Variants in DCAF10 observed in about 807,000 individuals in gnomAD.
DCAF10 encodes the protein DDB1 and CUL4 associated factor 10, also known as DDB1- and CUL4-associated factor 10.
In DCAF10, 19 loss-of-function variants were observed where a neutral mutation model predicts 51.9. The observed-to-expected ratio is 0.37, with a 90% confidence interval of 0.26 to 0.54. DCAF10 has a LOEUF of 0.54. Among genes scored for constraint, DCAF10 ranks in the 20% least tolerant of loss-of-function variants. DCAF10 has a pLI of 0.87. For synonymous variants in DCAF10, 291 were observed against 297.1 expected (o/e 0.98, Z 0.21); for missense variants, 510 against 730.6 (o/e 0.70, Z 3.48).
At chr9:37,856,484 TAA>T (rs755105753) in intron 4 of DCAF10, among the ~76,000 whole-genome samples, 1 of 152,220 alleles carries the variant, frequency 6.6e-6, no homozygotes, top group Non-Finnish European at 1.5e-5. Flanking sequence ...ATTCTGATAC[TAA>T]ATAACATTAC....
chr9:37,819,429 T>G (rs778954582), intron 2 of DCAF10, 28 bp downstream of exon 2: 10 of 1,564,816 alleles, frequency 6.4e-6, no homozygotes, highest in Middle Eastern at 1.8e-4. Flanking sequence ...AAAGTGAACT[T>G]TATCAGTGTG....
At chr9:37,850,870 A>ATATATATATATG (rs1830627249) in intron 3 of DCAF10, among the ~76,000 whole-genome samples, 2 of 83,574 alleles carry the variant, frequency 2.4e-5, no homozygotes, top group South Asian at 3.9e-4. Flanking sequence ...ATATATATAT[A>ATATATATATATG]TATATATATA....
rs532474636 is a variant in DCAF10 at position 37,811,004 on chromosome 9, T to A, written c.540-8284T>A. ...GCCGGCACCTCTACTCTAGCTTACT[T>A]GCCATAATTAAAGATGAATCTTCTA... On this transcript the variant is annotated intron_variant, in intron 1 of 6. Coordinates refer to ENST00000377724, the MANE Select transcript of DCAF10 (RefSeq NM_024345.5). 6.0e-4 allele frequency among the ~76,000 whole-genome samples: 92 copies of A among 152,290 alleles called. 1 individual carries two copies. The highest frequency in any genetic ancestry group is 4.6e-4 in the Non-Finnish European group (31 of 68,030).
At position 37,829,495 on chromosome 9, in the gene DCAF10, T is replaced by G. The variant is rs1829947275; in HGVS notation, c.653+10094T>G. Among the ~76,000 whole-genome samples the G allele has an allele frequency of 6.6e-6, 1 of 151,804 alleles. No homozygotes were observed. The highest frequency in any genetic ancestry group is 6.6e-5 in the Admixed American group (1 of 15,222). Reference sequence around the variant, plus strand: ...ACAAAAAACTACAATGAAGAATAACTACAGAAAGATGTTCAAGCTTATCAT... The same window carrying G: ...ACAAAAAACTACAATGAAGAATAACGACAGAAAGATGTTCAAGCTTATCAT... On this transcript the variant is annotated intron_variant, in intron 2 of 6. Transcript: ENST00000377724. This position sits in a 1 kb window ranked among gnomAD's most constrained non-coding sequence, Gnocchi z 4.2.
chr9:37,840,296 G>C (rs1187883976), intron 2 of DCAF10, among the ~76,000 whole-genome samples: 1 of 152,134 alleles, frequency 6.6e-6, no homozygotes, highest in Non-Finnish European at 1.5e-5. Flanking sequence ...GCCTCAGGGA[G>C]GTTCTTCAGG....
intron 3 of DCAF10, 21 bp from the exon 4 acceptor site, chr9:37,854,759 T>A: frequency 6.3e-7 from 1 of 1,598,002 alleles, no homozygotes; most frequent in Non-Finnish European, 8.5e-7. Context: ...CTAGATTTTG[T>A]TGGCTTGGTT....
intron 1 of DCAF10, among the ~76,000 whole-genome samples, chr9:37,808,604 T>C (rs1320580799): frequency 4.8e-4 from 47 of 97,704 alleles, no homozygotes; most frequent in African/African-American, 1.9e-3. Flanking sequence ...TATAATATAA[T>C]ATAAAAATAT....
At chr9:37,859,697 T>G (rs1830957257) in intron 5 of DCAF10, among the ~76,000 whole-genome samples, 1 of 152,208 alleles carries the variant, frequency 6.6e-6, no homozygotes, top group Non-Finnish European at 1.5e-5. Context: ...TCTAGAGTCC[T>G]TTCATGTCAC....
intron 2 of DCAF10, among the ~76,000 whole-genome samples, chr9:37,821,674 T>TA (rs901976027): frequency 2.6e-5 from 4 of 151,708 alleles, no homozygotes; most frequent in East Asian, 1.9e-4. Flanking sequence ...GAAACTATAA[T>TA]AAAAAAAACC....
Position 37,801,426 on chromosome 9 carries a change from G to GGC in DCAF10, c.539+23_539+24dup. 1 of 1,429,402 alleles carries GGC rather than the reference G, an allele frequency of 7.0e-7. No individual in the cohort carries two copies. The highest frequency in any genetic ancestry group is 9.2e-7 in the Non-Finnish European group (1 of 1,089,702). 88.5% of individuals were successfully genotyped at this position (1,429,402 alleles called of 1,614,324 possible). A position where few individuals can be genotyped will look rare whatever the true frequency, so the allele number is the denominator to read the frequency against. ...GACGGGTAAGCGCGGCCCCTCGGAG[G>GGC]GCGGGCGCCCGCCTCCGCCCGGCTC... On this transcript the variant is annotated intron_variant, in intron 1 of 6. Transcript: ENST00000377724. The surrounding 1 kb of genome is among the most constrained non-coding windows in gnomAD (Gnocchi z 5.5).
At chr9:37,850,827 TATATATATATATATATA>T (rs1272613234) in intron 3 of DCAF10, among the ~76,000 whole-genome samples, 88 of 66,058 alleles carry the variant, frequency 1.3e-3, no homozygotes, top group African/African-American at 5.6e-3. Flanking sequence ...GGATATATTT[TATATATATATATATATA>T]TATATATATA....
In DCAF10 at chr9:37,861,490, G is replaced by C; in HGVS notation, c.1662G>C (p.Leu554Phe). The change falls in exon 7 of 7, where the codon TTG becomes TTC. Residue 554 changes from leucine (L) to phenylalanine (F), a missense_variant. Leu to Phe is a conservative substitution (Grantham distance 22, BLOSUM62 0). This residue lies in a region of DCAF10 where 104 missense variants were observed against 206.2 expected (regional missense o/e 0.50). Coordinates refer to ENST00000377724, the MANE Select transcript of DCAF10 (RefSeq NM_024345.5). This position sits in a 1 kb window ranked among gnomAD's most constrained non-coding sequence, Gnocchi z 4.9. ...ASGCLSGRVS[L>F]YQPKF The stretch of plus-strand genomic sequence containing the variant: ...GGTGCCTTAGTGGACGGGTTTCTTT[G>C]TATCAGCCAAAGTTTTAGGCACAAC... 6.2e-7 allele frequency: 1 copy of C among 1,608,050 alleles called. No homozygotes were observed. Among genetic ancestry groups the C allele is most frequent in the South Asian group, 1.1e-5 (1 of 90,964 alleles).
At chr9:37,806,137 A>G (rs1193045631) in intron 1 of DCAF10, among the ~76,000 whole-genome samples, 1 of 152,078 alleles carries the variant, frequency 6.6e-6, no homozygotes, top group Non-Finnish European at 1.5e-5. Context: ...TTAAAATCTT[A>G]CTCTTAATGG....
intron 2 of DCAF10, among the ~76,000 whole-genome samples, chr9:37,838,107 GCA>G (rs1020426672): frequency 1.6e-4 from 25 of 152,122 alleles, no homozygotes; most frequent in African/African-American, 6.0e-4. Context: ...TATATGCAAT[GCA>G]CAGTGTTTGA....
At chr9:37,821,660 A>G (rs749927969) in intron 2 of DCAF10, among the ~76,000 whole-genome samples, 1 of 152,156 alleles carries the variant, frequency 6.6e-6, no homozygotes, top group African/African-American at 2.4e-5. Flanking sequence ...TAAACCTAAG[A>G]CCTGAAACTA....
In DCAF10 at chr9:37,865,050, C is replaced by G. The variant is rs975446056; in HGVS notation, c.*3542C>G. The G allele has an allele frequency of 1.3e-5, 2 of 151,548 alleles. No individual in the cohort carries two copies. The highest frequency in any genetic ancestry group is 4.9e-5 in the African/African-American group (2 of 41,228). The allele number at this position is 151,548 out of a possible 1,614,324, so 9.4% of individuals were successfully genotyped here. A position where few individuals can be genotyped will look rare whatever the true frequency, so the allele number is the denominator to read the frequency against. ...TAGTTTGTAAAGTATGGTAAGCTGG[C>G]CTGTTATTTGTTTAGTATCTTCTGG... On this transcript the variant is annotated 3_prime_UTR_variant, in exon 7 of 7. Transcript: ENST00000377724.
intron 3 of DCAF10, among the ~76,000 whole-genome samples, chr9:37,854,201 G>A (rs988419547): frequency 6.6e-6 from 1 of 151,770 alleles, no homozygotes; most frequent in African/African-American, 2.4e-5. Context: ...CCAGGCTCGC[G>A]TGATCCTCCC....
intron 1 of DCAF10, among the ~76,000 whole-genome samples, chr9:37,815,649 T>TA (rs11405685): frequency 0.17 from 24,668 of 141,420 alleles, 2,043 homozygotes; most frequent in African/African-American, 0.19. Context: ...CTGTCTCCAA[T>TA]AAAAAAAAAA....
intron 1 of DCAF10, among the ~76,000 whole-genome samples, chr9:37,814,081 T>TA (rs1829438735): frequency 4.4e-5 from 1 of 22,816 alleles, no homozygotes; most frequent in Non-Finnish European, 7.9e-5. Flanking sequence ...TATTTGTCAC[T>TA]ATATATATAT....
Sources: allele counts gnomAD v4.1 joint callset (sites outside exome capture counted in the v4.1 genomes callset), GRCh38; gene constraint gnomAD v4.1.1; regional missense constraint gnomAD v4.1.1; non-coding constraint Gnocchi (gnomAD v3.1); transcripts MANE v1.5; gene names NCBI Gene and HGNC (gene_info 2026-07-23, HGNC 2026-07-21).